The following SMCO4 variants were observed in gnomAD, a reference collection of about 807,000 sequenced individuals.
SMCO4 encodes single-pass membrane and coiled-coil domain-containing protein 4.
SMCO4 carries 4 observed loss-of-function variants against 3.6 expected under a neutral mutation model. The ratio of observed to expected loss-of-function variants is 1.11; its 90% CI spans 0.54 to 2.53. The LOEUF (loss-of-function observed/expected upper bound fraction) is 2.53, where lower values mean the gene tolerates loss of function less well. SMCO4 is among the 30% of genes most tolerant of loss of function. SMCO4 has a pLI of 0.02. For missense variants in SMCO4, 70 were observed against 80.8 expected (o/e 0.87, Z 0.51); for synonymous variants, 36 against 35.3 (o/e 1.02, Z -0.07).
At chr11:93,548,375 T>A (rs988618545), upstream of SMCO4, among the ~76,000 whole-genome samples, 1 of 152,244 alleles carries the variant, frequency 6.6e-6, no homozygotes, top group Non-Finnish European at 1.5e-5. Context: ...CTATGAAATC[T>A]GAAAGCCTCA....
intron 1 of SMCO4, among the ~76,000 whole-genome samples, chr11:93,526,158 T>A (rs1051969018): frequency 6.6e-6 from 1 of 152,048 alleles, no homozygotes; most frequent in African/African-American, 2.4e-5. Context: ...CTACAAAGCA[T>A]CAAGCACAGA....
intron 1 of SMCO4, among the ~76,000 whole-genome samples, chr11:93,503,171 TG>T (rs1948861031): frequency 6.6e-6 from 1 of 152,112 alleles, no homozygotes; most frequent in Admixed American, 6.5e-5. Flanking sequence ...TACCTGAGAC[TG>T]GGTAATTTAT....
At chr11:93,481,827 G>A (rs1054386697) in intron 2 of SMCO4, among the ~76,000 whole-genome samples, 1 of 152,214 alleles carries the variant, frequency 6.6e-6, no homozygotes, top group Non-Finnish European at 1.5e-5. Context: ...GCCCGCTGCT[G>A]TCTCTCCCAA....
intron 1 of SMCO4, among the ~76,000 whole-genome samples, chr11:93,538,192 T>C (rs1430401578): frequency 6.6e-6 from 1 of 152,204 alleles, no homozygotes; most frequent in Non-Finnish European, 1.5e-5. Flanking sequence ...TCCCTGAGCA[T>C]GGCTTGGCGC....
chr11:93,490,084 A>T (rs1038996259), intron 2 of SMCO4, among the ~76,000 whole-genome samples: 1 of 152,250 alleles, frequency 6.6e-6, no homozygotes, highest in African/African-American at 2.4e-5. Context: ...CTGCCTTTTA[A>T]GGACAGGCCC....
At chr11:93,522,759 A>C (rs1307201491) in intron 1 of SMCO4, among the ~76,000 whole-genome samples, 1 of 152,184 alleles carries the variant, frequency 6.6e-6, no homozygotes, top group Non-Finnish European at 1.5e-5. Flanking sequence ...AGGGAAGTCT[A>C]GTCCTTGATC....
At chr11:93,546,881 T>C (rs1407598726), upstream of SMCO4, among the ~76,000 whole-genome samples, 1 of 152,226 alleles carries the variant, frequency 6.6e-6, no homozygotes, top group Non-Finnish European at 1.5e-5. Flanking sequence ...CCCAACTGGC[T>C]TTCTTTCTGT....
At chr11:93,539,266 TAA>T (rs151130705) in intron 1 of SMCO4, among the ~76,000 whole-genome samples, 6 of 139,262 alleles carry the variant, frequency 4.3e-5, no homozygotes, top group Admixed American at 7.2e-5. Context: ...GACTCAAGGG[TAA>T]AAAAAAAAAA....
intron 1 of SMCO4, among the ~76,000 whole-genome samples, chr11:93,501,821 C>T (rs1248829047): frequency 1.3e-5 from 2 of 152,018 alleles, no homozygotes; most frequent in Non-Finnish European, 2.9e-5. Context: ...ATGGTGTATA[C>T]TGTACCTTTC....
intron 2 of SMCO4, among the ~76,000 whole-genome samples, chr11:93,489,757 CCT>C (rs993604188): frequency 6.6e-6 from 1 of 152,072 alleles, no homozygotes; most frequent in Non-Finnish European, 1.5e-5. Context: ...CAAGGAGCCC[CCT>C]CTCTCCACAG....
intron 2 of SMCO4, among the ~76,000 whole-genome samples, chr11:93,488,488 G>T (rs749506265): frequency 6.6e-5 from 10 of 152,212 alleles, no homozygotes; most frequent in Admixed American, 1.3e-4. Context: ...GTGCAAAGTG[G>T]TCTGATACCG....
intron 2 of SMCO4, among the ~76,000 whole-genome samples, chr11:93,484,147 C>G (rs549328566): frequency 6.6e-6 from 1 of 152,198 alleles, no homozygotes; most frequent in Non-Finnish European, 1.5e-5. Flanking sequence ...CCACGGCAAC[C>G]GGTCAGCATG....
chr11:93,517,531 G>A (rs1475189783), intron 1 of SMCO4, among the ~76,000 whole-genome samples: 2 of 152,174 alleles, frequency 1.3e-5, no homozygotes, highest in African/African-American at 4.8e-5. Context: ...CCCAAACCTA[G>A]ATGGCTGAAA....
chr11:93,534,369 TATATATAGAG>T (rs1949197565), intron 1 of SMCO4, among the ~76,000 whole-genome samples: 4 of 99,696 alleles, frequency 4.0e-5, no homozygotes, highest in Admixed American at 1.8e-4. Context: ...TATATATATA[TATATATAGAG>T]AGAGAGAGAG....
chr11:93,493,207 G>A (rs1948738655), intron 2 of SMCO4, among the ~76,000 whole-genome samples: 2 of 152,174 alleles, frequency 1.3e-5, no homozygotes, highest in African/African-American at 4.8e-5. Context: ...TCTTGCCACT[G>A]GTCCAACTGC....
At chr11:93,480,323 G>A (rs1315148746) in intron 2 of SMCO4, among the ~76,000 whole-genome samples, 2 of 152,164 alleles carry the variant, frequency 1.3e-5, no homozygotes, top group African/African-American at 4.8e-5. Context: ...CTGGACATGG[G>A]CACTGGAGCA....
upstream of SMCO4, among the ~76,000 whole-genome samples, chr11:93,547,021 G>A (rs1210434696): frequency 1.3e-5 from 2 of 152,170 alleles, no homozygotes; most frequent in African/African-American, 4.8e-5. Flanking sequence ...TTAGAGTTCT[G>A]TGGTACATTA....
At chr11:93,485,670 C>G (rs1364407493) in intron 2 of SMCO4, among the ~76,000 whole-genome samples, 1 of 152,208 alleles carries the variant, frequency 6.6e-6, no homozygotes, top group Non-Finnish European at 1.5e-5. Context: ...GGCATGATGC[C>G]TTTTATATAA....
intron 2 of SMCO4, among the ~76,000 whole-genome samples, chr11:93,482,717 T>C (rs1948606205): frequency 6.6e-6 from 1 of 152,150 alleles, no homozygotes. Flanking sequence ...TCGGGAATAT[T>C]TGGCCAGGGA....
Sources: gnomAD v4.1 joint callset for allele counts (sites outside exome capture counted in the v4.1 genomes callset) on GRCh38, gnomAD v4.1.1 for gene constraint, MANE v1.5 for transcripts, NCBI Gene and HGNC (gene_info 2026-07-23, HGNC 2026-07-21) for gene names.